The following KCTD19 variants were observed in gnomAD, a reference collection of about 807,000 sequenced individuals.
KCTD19 encodes BTB/POZ domain-containing protein KCTD19.
Under a neutral mutation model 103.5 loss-of-function variants are expected in KCTD19, and 67 were observed. That is an observed-to-expected ratio of 0.65 (90% confidence interval 0.53 to 0.79). The LOEUF is 0.79. Among genes scored for constraint, KCTD19 ranks in the 30% least tolerant of loss-of-function variants. The probability of loss-of-function intolerance (pLI) is 0.00; values close to 1 mark genes in which losing one functional copy is unlikely to be tolerated. For synonymous variants in KCTD19, 439 were observed against 452.2 expected (o/e 0.97, Z 0.37); for missense variants, 980 against 1,136.1 (o/e 0.86, Z 1.98).
At chr16:67,306,201 T>A (rs1425618147) in intron 2 of KCTD19, among the ~76,000 whole-genome samples, 2 of 152,182 alleles carry the variant, frequency 1.3e-5, no homozygotes, top group Non-Finnish European at 2.9e-5. Flanking sequence ...AATTTACGTA[T>A]ACTGAGATTA....
At chr16:67,313,840 T>A (rs540812463) in intron 2 of KCTD19, among the ~76,000 whole-genome samples, 4 of 151,712 alleles carry the variant, frequency 2.6e-5, no homozygotes, top group African/African-American at 9.7e-5. Flanking sequence ...ATTACAGGCA[T>A]GAGCCACTGC....
At chr16:67,310,826 G>A (rs1262931597) in intron 2 of KCTD19, among the ~76,000 whole-genome samples, 3 of 152,188 alleles carry the variant, frequency 2.0e-5, no homozygotes, top group African/African-American at 7.2e-5. Flanking sequence ...AAAGGAGCTT[G>A]GGGGAACTTC....
chr16:67,309,128 C>CAAAAAAAAAAAA (rs60872060), intron 2 of KCTD19, among the ~76,000 whole-genome samples: 2 of 75,904 alleles, frequency 2.6e-5, no homozygotes, highest in Non-Finnish European at 2.9e-5. Context: ...GACTTCAGCT[C>CAAAAAAAAAAAA]AAAAAAAAAA....
rs1265235514 is a variant in KCTD19 at position 67,314,800 on chromosome 16, TA to T, written c.300+5788del. On this transcript the variant is annotated intron_variant, in intron 2 of 15. Transcript: ENST00000304372. ...CATGATGGTTTTTTTCACTTAGCAT[TA>T]TATATATATATATATATATATATAT... Among the ~76,000 whole-genome samples the T allele has an allele frequency of 2.9e-4, 7 of 24,298 alleles. 1 individual carries two copies. Among genetic ancestry groups the T allele is most frequent in the South Asian group, 3.1e-3 (2 of 644 alleles). 15.9% of individuals were successfully genotyped at this position (24,298 alleles called of 152,430 possible). A position where few individuals can be genotyped will look rare whatever the true frequency, so the allele number is the denominator to read the frequency against.
rs772501182 is a variant in KCTD19, at chr16:67,303,120, C to T, written c.643+26G>A. The T allele has an allele frequency of 2.0e-5, 10 of 498,006 alleles. No individual in the cohort carries two copies. The highest frequency in any genetic ancestry group is 3.0e-5 in the Non-Finnish European group (8 of 267,868). 30.8% of individuals were successfully genotyped at this position (498,006 alleles called of 1,614,324 possible). On this transcript the variant is annotated intron_variant, in intron 4 of 15. Transcript: ENST00000304372. The surrounding 1 kb of genome is among the most constrained non-coding windows in gnomAD (Gnocchi z 4.3). ...GAATGGGCCCTATCAGCCCGCCCCCCACCCCACCCCGGACAGAGCAATCAC... is the reference window on the plus strand; with the variant it reads ...GAATGGGCCCTATCAGCCCGCCCCCTACCCCACCCCGGACAGAGCAATCAC...
At chr16:67,315,258 A>G (rs1413818587) in intron 2 of KCTD19, among the ~76,000 whole-genome samples, 2 of 151,596 alleles carry the variant, frequency 1.3e-5, no homozygotes, top group African/African-American at 4.9e-5. Context: ...AATGGCCTCC[A>G]AGTGGGCCAA....
intron 2 of KCTD19, among the ~76,000 whole-genome samples, chr16:67,305,828 C>T (rs991659131): frequency 6.6e-6 from 1 of 152,176 alleles, no homozygotes; most frequent in Non-Finnish European, 1.5e-5. Flanking sequence ...GTCAATGAAG[C>T]CCTTGTGACG....
rs761096354 is a variant in KCTD19, at chr16:67,297,499, T to G, written c.1147+4A>C. The G allele has an allele frequency of 1.2e-6, 2 of 1,613,944 alleles. No homozygotes were observed. Among genetic ancestry groups the G allele is most frequent in the South Asian group, 2.2e-5 (2 of 91,046 alleles). ...AATTCAAACCTAGAAGCTTTCTCAC[T>G]TACTGAGCACATCCATGGGTGCCAA... On this transcript the variant is annotated splice_donor_region_variant and intron_variant, in intron 7 of 15. Coordinates refer to ENST00000304372, the MANE Select transcript of KCTD19 (RefSeq NM_001100915.3).
At position 67,295,342 on chromosome 16, in the gene KCTD19, T is replaced by G; in HGVS notation, c.1312A>C (p.Ile438Leu). The change falls in exon 9 of 16, where the codon ATC becomes CTC. Residue 438 changes from isoleucine to leucine, a missense_variant. Coordinates refer to ENST00000304372, the MANE Select transcript of KCTD19 (RefSeq NM_001100915.3). ...YWITYGQTLL[I>L]HGDGQMFRHI... is the part of the protein sequence containing the mutation. ...CGGAACATCTGGCCATCCCCGTGGA[T>G]GAGCAGGGTTTGTCCATATGTGATC... 1 of 1,614,170 alleles carries G rather than the reference T, an allele frequency of 6.2e-7. No homozygotes were observed. Among genetic ancestry groups the G allele is most frequent in the Non-Finnish European group, 8.5e-7 (1 of 1,180,012 alleles).
Position 67,291,420 on chromosome 16 carries a change from A to G in KCTD19, c.2454T>C (p.Phe818=). 1 of 1,614,192 alleles carries G rather than the reference A, an allele frequency of 6.2e-7. No individual in the cohort carries two copies. Among genetic ancestry groups the G allele is most frequent in the Non-Finnish European group, 8.5e-7 (1 of 1,180,034 alleles). Residue 818 remains phenylalanine, a synonymous_variant, in exon 14 of 16, where the codon TTT becomes TTC. Coordinates refer to ENST00000304372, the MANE Select transcript of KCTD19 (RefSeq NM_001100915.3). ...LSFSLSWEEM[F]YAQKCHCFLA... is the part of the protein sequence containing the mutation. ...GGAAGCAGTGACATTTCTGTGCATA[A>G]AACATCTCTTCCCAGGACAGAGAGA...
rs2036821555 is a variant in KCTD19 at position 67,300,528 on chromosome 16, G to C, written c.776-955C>G. ...ACGCTACCATCTCACAATGATCTAT[G>C]TTCTCTGAGGAGTAGAAGGCTTTGA... On this transcript the variant is annotated intron_variant, in intron 5 of 15. Coordinates refer to ENST00000304372, the MANE Select transcript of KCTD19 (RefSeq NM_001100915.3). This position sits in a 1 kb window ranked among gnomAD's most constrained non-coding sequence, Gnocchi z 4.5. 6.6e-6 allele frequency: 1 copy of C among 152,240 alleles called. No homozygotes were observed. Among genetic ancestry groups the C allele is most frequent in the South Asian group, 2.1e-4 (1 of 4,834 alleles). The allele number at this position is 152,240 out of a possible 1,614,324, so 9.4% of individuals were successfully genotyped here.
chr16:67,298,347 A>C (rs186854352), intron 6 of KCTD19, among the ~76,000 whole-genome samples: 2 of 152,246 alleles, frequency 1.3e-5, no homozygotes, highest in East Asian at 3.9e-4. Flanking sequence ...GTAAGCCTGG[A>C]CAACCGGTCA....
chr16:67,299,005 C>T (rs554160949), intron 6 of KCTD19, among the ~76,000 whole-genome samples: 1 of 152,226 alleles, frequency 6.6e-6, no homozygotes, highest in Admixed American at 6.5e-5. Flanking sequence ...CCAAGAGTGG[C>T]GGAGGACCTT....
At chr16:67,290,167 CTTTTTTTTTTTTTTTTT>C (rs11296444) in intron 15 of KCTD19, among the ~76,000 whole-genome samples, 2 of 69,286 alleles carry the variant, frequency 2.9e-5, no homozygotes, top group Non-Finnish European at 5.1e-5. Context: ...TGAATATTTT[CTTTTTTTTTTTTTTTTT>C]TTTTTTTTTT....
intron 2 of KCTD19, among the ~76,000 whole-genome samples, chr16:67,311,559 T>C (rs948675588): frequency 1.1e-4 from 16 of 152,008 alleles, no homozygotes; most frequent in African/African-American, 3.9e-4. Context: ...TGCCTCAGCC[T>C]CCCAGAGTTG....
rs1242273439 is a variant in KCTD19, at chr16:67,293,838, A to G, written c.1924T>C (p.Trp642Arg). 3 of 1,613,792 alleles carry G rather than the reference A, an allele frequency of 1.9e-6. No homozygotes were observed. The South Asian group carries it at 3.3e-5, about 18-fold the overall frequency. ...MQKLISLVRE[W>R]DMVNCKQWEF... ...CACTGTTTGCAATTGACCATGTCCCATTCTCTCACCAGGGAGATGAGTTTT... is the reference window on the plus strand; with the variant it reads ...CACTGTTTGCAATTGACCATGTCCCGTTCTCTCACCAGGGAGATGAGTTTT... The change falls in exon 12 of 16, where the codon TGG becomes CGG. Residue 642 changes from tryptophan to arginine, a missense_variant. Trp to Arg is a moderately radical substitution (Grantham distance 101). Transcript: ENST00000304372. This position sits in a 1 kb window ranked among gnomAD's most constrained non-coding sequence, Gnocchi z 4.0.
intron 1 of KCTD19, among the ~76,000 whole-genome samples, chr16:67,325,207 C>CTTTTTTTTTTTTTTTTTT (rs10695930): frequency 6.2e-5 from 7 of 113,172 alleles, no homozygotes; most frequent in African/African-American, 1.2e-4. Context: ...TTCTTTTTTT[C>CTTTTTTTTTTTTTTTTTT]TTTTTTTTTT....
intron 2 of KCTD19, among the ~76,000 whole-genome samples, chr16:67,307,315 ATTT>A (rs149670849): frequency 2.2e-5 from 3 of 138,920 alleles, no homozygotes; most frequent in Non-Finnish European, 1.6e-5. Context: ...CACCCTGCTA[ATTT>A]TTTTTTTTTT....
chr16:67,312,631 C>T (rs1201397267), intron 2 of KCTD19, among the ~76,000 whole-genome samples: 1 of 152,114 alleles, frequency 6.6e-6, no homozygotes, highest in East Asian at 1.9e-4. Flanking sequence ...ATGTTCAGAT[C>T]CTAACTCCTG....
Sources: gnomAD v4.1 joint callset for allele counts (sites outside exome capture counted in the v4.1 genomes callset) on GRCh38, gnomAD v4.1.1 for gene constraint, Gnocchi (gnomAD v3.1) non-coding constraint, MANE v1.5 for transcripts, NCBI Gene and HGNC (gene_info 2026-07-23, HGNC 2026-07-21) for gene names.